The following SAMD4A variants were observed in gnomAD, a reference collection of about 807,000 sequenced individuals.
SAMD4A encodes the protein protein Smaug homolog 1.
Under a neutral mutation model 81.3 loss-of-function variants are expected in SAMD4A, and 33 were observed. That is an observed-to-expected ratio of 0.41 (90% CI 0.31 to 0.54). SAMD4A has a LOEUF of 0.54. SAMD4A is among the 20% of genes least tolerant of loss of function. The pLI, the probability that SAMD4A is intolerant of heterozygous loss-of-function variation, is 0.37. For synonymous variants in SAMD4A, 389 were observed against 382.1 expected (o/e 1.02, Z -0.21); for missense variants, 854 against 951.1 (o/e 0.90, Z 1.34).
chr14:54,582,398 C>T (rs2033493333), intron 2 of SAMD4A, among the ~76,000 whole-genome samples: 1 of 152,140 alleles, frequency 6.6e-6, no homozygotes, highest in Admixed American at 6.5e-5. Flanking sequence ...AGCTGTTATT[C>T]AGTCCTTGAA....
intron 2 of SAMD4A, among the ~76,000 whole-genome samples, chr14:54,605,027 A>G (rs1176210324): frequency 2.0e-5 from 3 of 152,212 alleles, no homozygotes; most frequent in African/African-American, 7.2e-5. Flanking sequence ...TCAGATTTCC[A>G]ATCTGTCTGA....
intron 2 of SAMD4A, chr14:54,694,879 G>C: frequency 1.0e-6 from 1 of 985,572 alleles, no homozygotes; most frequent in African/African-American, 1.7e-5. Context: ...AGTAACTACA[G>C]ATGGAAAGTC....
chr14:54,688,036 G>A (rs555880592), intron 2 of SAMD4A: 1 of 985,734 alleles, frequency 1.0e-6, no homozygotes, highest in Non-Finnish European at 1.2e-6. Context: ...GGACAAAGTG[G>A]AGAGGGAGGA....
At chr14:54,670,069 A>C (rs1594790717) in intron 2 of SAMD4A, among the ~76,000 whole-genome samples, 1 of 152,288 alleles carries the variant, frequency 6.6e-6, no homozygotes, top group South Asian at 2.1e-4. Flanking sequence ...AACTAAGACA[A>C]CTTTATAGAT....
chr14:54,572,173 G>T (rs951310144), intron 2 of SAMD4A, among the ~76,000 whole-genome samples: 13 of 152,052 alleles, frequency 8.5e-5, no homozygotes, highest in African/African-American at 3.1e-4. Context: ...CTTAGTGTGG[G>T]GTAAATGACT....
intron 3 of SAMD4A, among the ~76,000 whole-genome samples, chr14:54,729,181 G>A (rs1178251607): frequency 6.6e-6 from 1 of 152,032 alleles, no homozygotes; most frequent in African/African-American, 2.4e-5. Context: ...ATGAAATCCT[G>A]GCTATTTGAA....
At chr14:54,628,962 T>G (rs2034830316) in intron 2 of SAMD4A, among the ~76,000 whole-genome samples, 3 of 152,132 alleles carry the variant, frequency 2.0e-5, no homozygotes, top group Admixed American at 2.0e-4. Flanking sequence ...GTGTCCTGCC[T>G]CCCCCAGAAT....
intron 3 of SAMD4A, among the ~76,000 whole-genome samples, chr14:54,713,446 G>A (rs1327997016): frequency 6.6e-6 from 1 of 152,084 alleles, no homozygotes; most frequent in Non-Finnish European, 1.5e-5. Context: ...GGTGAGCAGG[G>A]GGCTCCAAAA....
At chr14:54,762,089 AC>A (rs2038414604) in intron 7 of SAMD4A, among the ~76,000 whole-genome samples, 1 of 152,162 alleles carries the variant, frequency 6.6e-6, no homozygotes, top group Non-Finnish European at 1.5e-5. Flanking sequence ...TGCTGGGTGC[AC>A]GCCTGTCGGG....
intron 8 of SAMD4A, among the ~76,000 whole-genome samples, chr14:54,769,411 A>G (rs530870503): frequency 2.6e-5 from 4 of 152,356 alleles, no homozygotes; most frequent in Non-Finnish European, 5.9e-5. Flanking sequence ...TACAAAGGCT[A>G]AACGCAAAAG....
intron 8 of SAMD4A, among the ~76,000 whole-genome samples, chr14:54,768,555 C>G (rs981150478): frequency 1.3e-5 from 2 of 152,196 alleles, no homozygotes; most frequent in African/African-American, 2.4e-5. Flanking sequence ...CACATGTGTC[C>G]TCACACAACA....
At chr14:54,761,485 C>G (rs923076810) in intron 7 of SAMD4A, among the ~76,000 whole-genome samples, 1 of 152,252 alleles carries the variant, frequency 6.6e-6, no homozygotes, top group African/African-American at 2.4e-5. Context: ...ACACTCCAGA[C>G]TTTGTATCTT....
chr14:54,605,536 A>T (rs1456860184), intron 2 of SAMD4A, among the ~76,000 whole-genome samples: 1 of 152,224 alleles, frequency 6.6e-6, no homozygotes, highest in Admixed American at 6.5e-5. Flanking sequence ...GTGTTATTTT[A>T]AAATGAGCAG....
chr14:54,771,455 G>T (rs1056341358), intron 9 of SAMD4A, among the ~76,000 whole-genome samples: 6 of 152,148 alleles, frequency 3.9e-5, no homozygotes, highest in African/African-American at 1.4e-4. Flanking sequence ...CAACTCTCAT[G>T]GTCTCAGGAT....
rs1284476123 is a variant in SAMD4A at position 54,790,798 on chromosome 14, G to A, written c.*1854G>A. 1.3e-5 allele frequency: 2 copies of A among 151,466 alleles called. No homozygotes were observed. The highest frequency in any genetic ancestry group is 4.9e-5 in the African/African-American group (2 of 41,148). The allele number at this position is 151,466 out of a possible 1,614,324, so 9.4% of individuals were successfully genotyped here. ...AATGAACTACATACAGACCTAAAAG[G>A]CCTTAATGAAATCCGAACAATTTTC... On this transcript the variant is annotated 3_prime_UTR_variant, in exon 13 of 13. Coordinates refer to ENST00000554335, the MANE Select transcript of SAMD4A (RefSeq NM_015589.6).
intron 2 of SAMD4A, among the ~76,000 whole-genome samples, chr14:54,676,911 G>A (rs909907206): frequency 1.3e-5 from 2 of 152,332 alleles, no homozygotes; most frequent in East Asian, 1.9e-4. Flanking sequence ...AGAGATCCTC[G>A]CAGTCTAGAG....
intron 3 of SAMD4A, among the ~76,000 whole-genome samples, chr14:54,722,429 G>T (rs970973943): frequency 1.3e-5 from 2 of 152,106 alleles, no homozygotes; most frequent in East Asian, 3.8e-4. Flanking sequence ...CAACATTTGG[G>T]TCCTGCAATG....
rs767260686 is a variant in SAMD4A at position 54,764,578 on chromosome 14, T to A, written c.1596+38T>A. The A allele has an allele frequency of 3.4e-5, 46 of 1,339,576 alleles. No individual in the cohort carries two copies. In the African/African-American group the frequency reaches 4.1e-4, roughly 12 times the overall value. The allele number at this position is 1,339,576 out of a possible 1,614,324, so 83.0% of individuals were successfully genotyped here. A position where few individuals can be genotyped will look rare whatever the true frequency, so the allele number is the denominator to read the frequency against. On this transcript the variant is annotated intron_variant, in intron 8 of 12. Transcript: ENST00000554335. ...AGGTTTTACAAAACCATTTTTTTTT[T>A]ATTGCTTAGAAATGGTTCTCAGAGT...
intron 2 of SAMD4A, among the ~76,000 whole-genome samples, chr14:54,673,538 G>C (rs2035930067): frequency 6.6e-6 from 1 of 152,216 alleles, no homozygotes; most frequent in South Asian, 2.1e-4. Context: ...ATTTGGACTG[G>C]TTTCATTTAA....
Sources: allele counts gnomAD v4.1 joint callset (sites outside exome capture counted in the v4.1 genomes callset), GRCh38; gene constraint gnomAD v4.1.1; transcripts MANE v1.5; gene names NCBI Gene and HGNC (gene_info 2026-07-23, HGNC 2026-07-21).